NAP1L1: variants seen among roughly 807,000 people sequenced by gnomAD.
The protein encoded by NAP1L1 is nucleosome assembly protein 1 like 1.
A neutral mutation model predicts 58.9 loss-of-function variants in NAP1L1; 9 were observed. The ratio of observed to expected loss-of-function variants is 0.15; its 90% CI spans 0.09 to 0.27. The LOEUF (loss-of-function observed/expected upper bound fraction) is 0.27, where lower values mean the gene tolerates loss of function less well. Ranked by LOEUF, NAP1L1 falls within the 10% of genes least tolerant of loss-of-function variation. The pLI, the probability that NAP1L1 is intolerant of heterozygous loss-of-function variation, is 1.00. For synonymous variants in NAP1L1, 130 were observed against 138.3 expected, an observed-to-expected ratio of 0.94 and a Z score of 0.42; for missense variants, 302 against 458.8, an observed-to-expected ratio of 0.66 and a Z score of 3.12.
At position 76,061,477 on chromosome 12, in the gene NAP1L1, G is replaced by GC. The variant is rs758754079; in HGVS notation, c.207-1199dup. ...ACATGATCTCGTTCTTTGTATGGCT[G>GC]CAAGTATTACGTGGTGTATACATTT... On this transcript the variant is annotated intron_variant, in intron 4 of 14. Transcript: ENST00000618691. 9.2e-5 allele frequency among the ~76,000 whole-genome samples: 14 copies of GC among 152,188 alleles called. No individual in the cohort carries two copies. In the East Asian group the frequency reaches 9.6e-4, roughly 10 times the overall value.
intron 3 of NAP1L1, among the ~76,000 whole-genome samples, chr12:76,067,941 A>G (rs1476722018): frequency 6.6e-6 from 1 of 152,210 alleles, no homozygotes. Flanking sequence ...ATGTATTTCT[A>G]TGTGTATGAA....
At position 76,039,505 on chromosome 12, in the gene NAP1L1, T is replaced by C. The variant is rs988424978; in HGVS notation, c.*8924A>G. ...CTGTGTTATACAACATTATAATAAATACAAACTCTTCAGGGCAGGGGAGAG... is the reference window on the plus strand; with the variant it reads ...CTGTGTTATACAACATTATAATAAACACAAACTCTTCAGGGCAGGGGAGAG... On this transcript the variant is annotated 3_prime_UTR_variant, in exon 15 of 15. Coordinates refer to ENST00000618691, the MANE Select transcript of NAP1L1 (RefSeq NM_004537.7). 3 of 152,180 alleles carry C rather than the reference T, an allele frequency of 2.0e-5. No homozygotes were observed. Among genetic ancestry groups the C allele is most frequent in the Non-Finnish European group, 4.4e-5 (3 of 68,034 alleles). The allele number at this position is 152,180 out of a possible 1,614,324, so 9.4% of individuals were successfully genotyped here.
At chr12:76,052,592 C>CCT (rs1192727833) in intron 11 of NAP1L1, among the ~76,000 whole-genome samples, 1 of 152,174 alleles carries the variant, frequency 6.6e-6, no homozygotes, top group African/African-American at 2.4e-5. Context: ...TCAAAACATA[C>CCT]CTGCCCTACC....
At chr12:76,084,125 TGGTATTATTTTTGAG>T (rs1222702394) in intron 1 of NAP1L1, 2 of 150,252 alleles carry the variant, frequency 1.3e-5, no homozygotes, top group African/African-American at 4.9e-5. Context: ...GCCTCCCTCC[TGGTATTATTTTTGAG>T]GGAAAAGCAG....
intron 4 of NAP1L1, among the ~76,000 whole-genome samples, chr12:76,066,710 C>T (rs947638396): frequency 5.9e-5 from 9 of 152,072 alleles, no homozygotes; most frequent in Non-Finnish European, 1.0e-4. Flanking sequence ...GCATTGAGTA[C>T]AGTATTTCTG....
chr12:76,077,425 A>G (rs1448813447), intron 1 of NAP1L1, among the ~76,000 whole-genome samples: 1 of 152,220 alleles, frequency 6.6e-6, no homozygotes, highest in Admixed American at 6.5e-5. Flanking sequence ...CATCATCTAT[A>G]TAAAGCAGAA....
In NAP1L1 at chr12:76,037,967, T is replaced by C. The variant is rs1036173981; in HGVS notation, c.*10462A>G. The stretch of plus-strand genomic sequence containing the variant: ...CAAAATGGGCAAGCAGGCTATCTTA[T>C]TGAGTATTAACAAGTAACCAGGAAG... On this transcript the variant is annotated 3_prime_UTR_variant, in exon 15 of 15. Coordinates refer to ENST00000618691, the MANE Select transcript of NAP1L1 (RefSeq NM_004537.7). The C allele has an allele frequency of 6.6e-6, 1 of 152,226 alleles. No individual in the cohort carries two copies. Among genetic ancestry groups the C allele is most frequent in the African/African-American group, 2.4e-5 (1 of 41,458 alleles). 9.4% of individuals were successfully genotyped at this position (152,226 alleles called of 1,614,324 possible).
In NAP1L1 at chr12:76,047,917, GT is replaced by G. The variant is rs1374035703; in HGVS notation, c.*511del. ...ACTCTAATAACAGTTATTGGGTGTGGTCATACTGGAAATTCTTAACCATATA... is the reference window on the plus strand; with the variant it reads ...ACTCTAATAACAGTTATTGGGTGTGGCATACTGGAAATTCTTAACCATATA... On this transcript the variant is annotated 3_prime_UTR_variant, in exon 15 of 15. Coordinates refer to ENST00000618691, the MANE Select transcript of NAP1L1 (RefSeq NM_004537.7). The G allele has an allele frequency of 6.5e-6, 1 of 153,480 alleles. No individual in the cohort carries two copies. The allele number at this position is 153,480 out of a possible 1,614,324, so 9.5% of individuals were successfully genotyped here. A position where few individuals can be genotyped will look rare whatever the true frequency, so the allele number is the denominator to read the frequency against.
At chr12:76,080,936 C>A (rs921754746) in intron 1 of NAP1L1, among the ~76,000 whole-genome samples, 15 of 152,186 alleles carry the variant, frequency 9.9e-5, no homozygotes, top group African/African-American at 3.4e-4. Context: ...GCCAAGCTAC[C>A]CAGTTAGCAC....
intron 1 of NAP1L1, among the ~76,000 whole-genome samples, chr12:76,075,152 T>C (rs1317982488): frequency 6.6e-6 from 1 of 151,954 alleles, no homozygotes; most frequent in Non-Finnish European, 1.5e-5. Flanking sequence ...TTAGATAGAA[T>C]CCATGTTAAA....
intron 4 of NAP1L1, among the ~76,000 whole-genome samples, chr12:76,064,745 A>G (rs1949584599): frequency 6.6e-6 from 1 of 152,100 alleles, no homozygotes. Context: ...CATGTTTAAA[A>G]TATGAAACTC....
At position 76,045,912 on chromosome 12, in the gene NAP1L1, G is replaced by C. The variant is rs1367580092; in HGVS notation, c.*2517C>G. The C allele has an allele frequency of 6.6e-6, 1 of 151,934 alleles. No individual in the cohort carries two copies. Among genetic ancestry groups the C allele is most frequent in the African/African-American group, 2.4e-5 (1 of 41,416 alleles). 9.4% of individuals were successfully genotyped at this position (151,934 alleles called of 1,614,324 possible). ...CTGGAAACTACAATCAGAGTGTAAA[G>C]ACAAATCTCAAAAATGTTTGTAGAT... On this transcript the variant is annotated 3_prime_UTR_variant, in exon 15 of 15. Transcript: ENST00000618691.
intron 13 of NAP1L1, 138 bp downstream of exon 13, chr12:76,049,618 G>A (rs955363660): frequency 2.6e-6 from 4 of 1,514,278 alleles, no homozygotes; most frequent in Non-Finnish European, 3.6e-6. Context: ...TTTGGCTGTA[G>A]AATTCTAAAA....
At chr12:76,067,277 C>T in intron 4 of NAP1L1, 94 bp downstream of exon 4, 5 of 946,568 alleles carry the variant, frequency 5.3e-6, no homozygotes, top group Non-Finnish European at 8.2e-6. Flanking sequence ...TAGGTTTCCA[C>T]TATTGCATAT....
intron 1 of NAP1L1, among the ~76,000 whole-genome samples, chr12:76,078,131 A>C (rs1332371832): frequency 6.6e-6 from 1 of 152,194 alleles, no homozygotes; most frequent in African/African-American, 2.4e-5. Context: ...GAGCAGAAGG[A>C]AGGCACTTTT....
intron 14 of NAP1L1, 124 bp downstream of exon 14, chr12:76,049,076 A>G (rs747667664): frequency 1.7e-5 from 16 of 934,978 alleles, no homozygotes; most frequent in South Asian, 4.6e-5. Flanking sequence ...GAAAAAACAA[A>G]GTTATCCAGT....
chr12:76,037,715 A>C lies in NAP1L1; in HGVS notation c.*10714T>G, dbSNP rs1332536368. 1.3e-5 allele frequency: 2 copies of C among 152,142 alleles called. No individual in the cohort carries two copies. Among genetic ancestry groups the C allele is most frequent in the Non-Finnish European group, 2.9e-5 (2 of 68,048 alleles). The allele number at this position is 152,142 out of a possible 1,614,324, so 9.4% of individuals were successfully genotyped here. On this transcript the variant is annotated 3_prime_UTR_variant, in exon 15 of 15. Transcript: ENST00000618691. ...TTCCCAAATCCTCTGTAAACCTTTC[A>C]TTCTTCAAAGCCCTATTCAAATCCC...
chr12:76,053,642 A>C (rs1948942094), intron 9 of NAP1L1, 128 bp downstream of exon 9: 1 of 1,184,392 alleles, frequency 8.4e-7, no homozygotes, highest in Non-Finnish European at 1.2e-6. Context: ...AGCACTTTTC[A>C]GAAAACATAT....
intron 7 of NAP1L1, among the ~76,000 whole-genome samples, chr12:76,055,627 A>T (rs1033984941): frequency 2.0e-5 from 3 of 152,200 alleles, no homozygotes; most frequent in African/African-American, 7.2e-5. Flanking sequence ...TTTGCCAGAG[A>T]ATGTAACCAT....
Sources: allele counts gnomAD v4.1 joint callset (sites outside exome capture counted in the v4.1 genomes callset), GRCh38; gene constraint gnomAD v4.1.1; transcripts MANE v1.5; gene names NCBI Gene and HGNC (gene_info 2026-07-23, HGNC 2026-07-21).